DMD: variants seen among roughly 807,000 people sequenced by gnomAD.
DMD encodes the protein mutant dystrophin.
DMD carries 63 observed loss-of-function variants against 330.1 expected under a neutral mutation model. The ratio of observed to expected loss-of-function variants is 0.19; its 90% CI spans 0.16 to 0.24. The LOEUF is 0.24. DMD is among the 10% of genes least tolerant of loss of function. The pLI is 1.00. For missense variants in DMD, 3,344 were observed against 2,684.1 expected (o/e 1.25, Z -5.43); for synonymous variants, 1,223 against 959.8 (o/e 1.27, Z -5.07).
intron 30 of DMD, among the ~76,000 whole-genome samples, chrX:32,400,079 A>T (rs1222449856): frequency 9.0e-6 from 1 of 111,554 alleles, no homozygotes; most frequent in Non-Finnish European, 1.9e-5. Context: ...ATTCAGTATG[A>T]TATTGGCTGT....
chrX:32,066,527 T>C (rs1403625700), intron 44 of DMD, among the ~76,000 whole-genome samples: 1 of 111,571 alleles, frequency 9.0e-6, no homozygotes, highest in East Asian at 2.8e-4. Context: ...TGCTGACATG[T>C]TGATTATATT....
intron 2 of DMD, among the ~76,000 whole-genome samples, chrX:32,867,593 A>C (rs957471131): frequency 1.8e-5 from 2 of 112,221 alleles, no homozygotes; most frequent in African/African-American, 3.2e-5. Context: ...TCAGTGATTC[A>C]TCTTTATCAG....
At chrX:32,358,439 G>T (rs1464935172) in intron 37 of DMD, among the ~76,000 whole-genome samples, 1 of 110,964 alleles carries the variant, frequency 9.0e-6, no homozygotes, top group Non-Finnish European at 1.9e-5. Context: ...TTTACTCAGG[G>T]TTCTAATATT....
chrX:32,666,745 T>C (rs1313036301), intron 9 of DMD, among the ~76,000 whole-genome samples: 2 of 107,727 alleles, frequency 1.9e-5, no homozygotes, highest in African/African-American at 6.8e-5. Context: ...AGTAGAATCG[T>C]TGAACCTGGG....
chrX:32,670,199 T>C (rs1028033774), intron 9 of DMD, among the ~76,000 whole-genome samples: 3 of 111,589 alleles, frequency 2.7e-5, no homozygotes, highest in Non-Finnish European at 5.7e-5. Context: ...GCTGTAAGAG[T>C]GTCTGTCTCC....
At chrX:33,041,541 C>T in intron 1 of DMD, 2 of 1,206,943 alleles carry the variant, frequency 1.7e-6, no homozygotes, top group Non-Finnish European at 2.2e-6. Context: ...AAAATTATGA[C>T]ATCAAAAAGC....
At chrX:32,821,520 G>A (rs1394648393) in intron 5 of DMD, among the ~76,000 whole-genome samples, 5 of 109,514 alleles carry the variant, frequency 4.6e-5, no homozygotes, top group Non-Finnish European at 9.5e-5. Context: ...TCCGGGAGGC[G>A]GAGCTTGCAG....
chrX:32,827,659 CCTTTT>C (rs2078827903), intron 4 of DMD, among the ~76,000 whole-genome samples: 1 of 71,661 alleles, frequency 1.4e-5, no homozygotes, highest in African/African-American at 6.3e-5. Flanking sequence ...TATTAACTCC[CCTTTT>C]TTTTTTTTTT....
At chrX:31,944,337 T>C (rs757744301) in intron 45 of DMD, among the ~76,000 whole-genome samples, 137 of 112,179 alleles carry the variant, frequency 1.2e-3, no homozygotes, top group Non-Finnish European at 1.5e-3. Context: ...TTAAAGAGAT[T>C]TGCAAAAATG....
chrX:31,790,518 T>A (rs968673355), intron 50 of DMD, among the ~76,000 whole-genome samples: 6 of 111,885 alleles, frequency 5.4e-5, no homozygotes, highest in African/African-American at 1.9e-4. Flanking sequence ...AAAACTTAGT[T>A]TTCAGTGCCA....
chrX:32,051,844 A>G lies in DMD; in HGVS notation c.6439-83330T>C, dbSNP rs145343157. Among the ~76,000 whole-genome samples, 555 of 111,129 alleles carry G rather than the reference A, an allele frequency of 5.0e-3. 5 individuals are homozygous for G. The highest frequency in any genetic ancestry group is 0.017 in the African/African-American group (523 of 30,651). On this transcript the variant is annotated intron_variant, in intron 44 of 78. Coordinates refer to ENST00000357033, the MANE Select transcript of DMD (RefSeq NM_004006.3). ...ACTGTCATCCTTTTAAGCAAACTAGATTCTCTCTCCACCACAAGCAAACCC... is the reference window on the plus strand; with the variant it reads ...ACTGTCATCCTTTTAAGCAAACTAGGTTCTCTCTCCACCACAAGCAAACCC...
rs190779267 is a variant in DMD at position 32,226,301 on chromosome X, T to A, written c.6291-9238A>T. Among the ~76,000 whole-genome samples the A allele has an allele frequency of 2.2e-4, 25 of 112,040 alleles. 1 individual carries two copies. The East Asian group carries it at 6.8e-3, about 30-fold the overall frequency. ...TTTCATAACAACCAAAATTCCTTTTTTACTGTGGGCCTTTTGCTGTATTTT... is the reference window on the plus strand; with the variant it reads ...TTTCATAACAACCAAAATTCCTTTTATACTGTGGGCCTTTTGCTGTATTTT... On this transcript the variant is annotated intron_variant, in intron 43 of 78. Transcript: ENST00000357033.
intron 63 of DMD, among the ~76,000 whole-genome samples, chrX:31,235,024 G>A (rs891947231): frequency 1.4e-4 from 16 of 111,329 alleles, no homozygotes; most frequent in African/African-American, 4.9e-4. Flanking sequence ...GGAGGATGAG[G>A]AACCTGATCA....
chrX:33,240,441 T>C (rs145178977), intron 1 of DMD, among the ~76,000 whole-genome samples: 109 of 111,967 alleles, frequency 9.7e-4, no homozygotes, highest in African/African-American at 3.4e-3. Context: ...GTATACCACA[T>C]TTTTTCTTTT....
chrX:32,731,204 G>A (rs982610496), intron 7 of DMD, among the ~76,000 whole-genome samples: 15 of 112,215 alleles, frequency 1.3e-4, no homozygotes, highest in East Asian at 2.9e-4. Context: ...TGTTTCCGAC[G>A]GGCTTAAAAA....
intron 42 of DMD, among the ~76,000 whole-genome samples, chrX:32,301,010 A>G (rs2097521424): frequency 9.0e-6 from 1 of 110,887 alleles, no homozygotes; most frequent in Non-Finnish European, 1.9e-5. Flanking sequence ...CATACATGAT[A>G]AAATATAATC....
chrX:31,514,926 T>A (rs998297436), intron 55 of DMD, among the ~76,000 whole-genome samples: 1 of 110,292 alleles, frequency 9.1e-6, no homozygotes, highest in Non-Finnish European at 1.9e-5. Flanking sequence ...CAATGAGAGT[T>A]GAGAGAAATA....
intron 7 of DMD, among the ~76,000 whole-genome samples, chrX:32,771,503 TACACACAC>T (rs754545800): frequency 1.9e-5 from 2 of 105,785 alleles, no homozygotes; most frequent in Non-Finnish European, 1.9e-5. Context: ...ATTTTGTTAA[TACACACAC>T]ACACACACAC....
intron 41 of DMD, among the ~76,000 whole-genome samples, chrX:32,332,831 T>C (rs746507236): frequency 9.2e-6 from 1 of 108,942 alleles, no homozygotes; most frequent in Non-Finnish European, 1.9e-5. Context: ...AAAGAAAGCA[T>C]GCGTAGATTT....
Sources: allele counts gnomAD v4.1 joint callset (sites outside exome capture counted in the v4.1 genomes callset), GRCh38; gene constraint gnomAD v4.1.1; transcripts MANE v1.5; gene names NCBI Gene and HGNC (gene_info 2026-07-23, HGNC 2026-07-21).